Variants in LUZP2 observed in about 807,000 individuals in gnomAD.
LUZP2 encodes leucine zipper protein 2.
LUZP2 carries 52 observed loss-of-function variants against 51.6 expected under a neutral mutation model. The ratio of observed to expected loss-of-function variants is 1.01; its 90% confidence interval spans 0.81 to 1.27. The LOEUF is 1.27. LUZP2 is among the 50% of genes most tolerant of loss of function. The pLI is 0.00. For synonymous variants in LUZP2, 154 were observed against 137.3 expected, an observed-to-expected ratio of 1.12 and a Z score of -0.85; for missense variants, 436 against 395.4, an observed-to-expected ratio of 1.10 and a Z score of -0.87.
chr11:24,916,779 G>A (rs979910030), intron 7 of LUZP2, among the ~76,000 whole-genome samples: 1 of 152,166 alleles, frequency 6.6e-6, no homozygotes, highest in Non-Finnish European at 1.5e-5. Flanking sequence ...ATTGTGAATA[G>A]TGATACCATA....
At chr11:24,973,869 AGAGT>A (rs139473659) in intron 7 of LUZP2, among the ~76,000 whole-genome samples, 6,649 of 152,092 alleles carry the variant, frequency 0.044, 333 homozygotes, top group African/African-American at 0.12. Context: ...GATCAATTTT[AGAGT>A]AAGTGCCATA....
chr11:24,961,153 A>T (rs1179661084), intron 7 of LUZP2, among the ~76,000 whole-genome samples: 1 of 151,734 alleles, frequency 6.6e-6, no homozygotes, highest in Non-Finnish European at 1.5e-5. Context: ...TGCTGAGGAG[A>T]GCTTTACTTC....
chr11:24,634,669 A>G (rs1489722050), intron 1 of LUZP2, among the ~76,000 whole-genome samples: 2 of 151,726 alleles, frequency 1.3e-5, no homozygotes. Flanking sequence ...TAAACTGACC[A>G]TAGAGCTGTT....
At chr11:24,569,518 T>C (rs1016560114) in intron 1 of LUZP2, among the ~76,000 whole-genome samples, 3 of 152,032 alleles carry the variant, frequency 2.0e-5, no homozygotes, top group African/African-American at 4.8e-5. Context: ...ACATGTTGAA[T>C]AGCAAACTTA....
intron 5 of LUZP2, among the ~76,000 whole-genome samples, chr11:24,849,539 TG>T (rs1289827256): frequency 1.3e-5 from 2 of 152,318 alleles, no homozygotes; most frequent in South Asian, 4.1e-4. Context: ...CATGGGCATT[TG>T]GGTTGGTTCC....
At chr11:25,050,185 G>T in intron 10 of LUZP2, 55 bp downstream of exon 10, 1 of 978,064 alleles carries the variant, frequency 1.0e-6, no homozygotes, top group Admixed American at 2.5e-5. Context: ...AAAAGCACAA[G>T]CATTTTAGCA....
chr11:24,723,348 G>T (rs1237969501), intron 1 of LUZP2, among the ~76,000 whole-genome samples: 1 of 152,136 alleles, frequency 6.6e-6, no homozygotes, highest in Non-Finnish European at 1.5e-5. Flanking sequence ...GCTTTATGAT[G>T]CGGCAATTCC....
intron 5 of LUZP2, among the ~76,000 whole-genome samples, chr11:24,844,062 G>C (rs751832512): frequency 1.3e-5 from 2 of 152,180 alleles, no homozygotes; most frequent in African/African-American, 4.8e-5. Flanking sequence ...CAGAGATGTG[G>C]AAGTGACTTT....
intron 9 of LUZP2, among the ~76,000 whole-genome samples, chr11:24,987,668 C>G (rs1856227455): frequency 6.6e-6 from 1 of 151,874 alleles, no homozygotes; most frequent in Admixed American, 6.6e-5. Flanking sequence ...GCAGGAGGCC[C>G]TGGAACGAAT....
chr11:24,798,304 A>C (rs1849604530), intron 5 of LUZP2, among the ~76,000 whole-genome samples: 1 of 151,588 alleles, frequency 6.6e-6, no homozygotes, highest in South Asian at 2.1e-4. Context: ...TACAGCCTTG[A>C]TTCTTCCACC....
intron 8 of LUZP2, among the ~76,000 whole-genome samples, chr11:24,980,016 A>G (rs531055326): frequency 1.3e-5 from 2 of 151,938 alleles, no homozygotes; most frequent in South Asian, 2.1e-4. Context: ...GGACCTGAAT[A>G]TCACTGGAGC....
intron 5 of LUZP2, among the ~76,000 whole-genome samples, chr11:24,779,942 A>C (rs1849039390): frequency 6.6e-6 from 1 of 152,158 alleles, no homozygotes; most frequent in South Asian, 2.1e-4. Context: ...AAGGAATTAC[A>C]ACAGCCATGA....
intron 7 of LUZP2, among the ~76,000 whole-genome samples, chr11:24,932,514 AT>A (rs1280695372): frequency 6.6e-6 from 1 of 152,072 alleles, no homozygotes; most frequent in Non-Finnish European, 1.5e-5. Context: ...TCTCAGGCCA[AT>A]TGAATTATGT....
intron 1 of LUZP2, among the ~76,000 whole-genome samples, chr11:24,606,919 T>C (rs1013379091): frequency 1.3e-5 from 2 of 152,076 alleles, no homozygotes; most frequent in African/African-American, 4.8e-5. Flanking sequence ...GATTTTTATA[T>C]ATCTATTGGC....
intron 2 of LUZP2, 45 bp from the exon 3 acceptor site, chr11:24,732,073 A>T (rs1347016255): frequency 1.4e-6 from 2 of 1,460,728 alleles, no homozygotes; most frequent in East Asian, 4.6e-5. Flanking sequence ...GTGAGTCTCA[A>T]TTTCTCACCT....
intron 1 of LUZP2, among the ~76,000 whole-genome samples, chr11:24,596,129 C>T (rs1018832580): frequency 5.9e-5 from 9 of 152,148 alleles, no homozygotes; most frequent in African/African-American, 2.2e-4. Flanking sequence ...GTTGCAGCTT[C>T]AAATGTTACA....
chr11:24,711,047 A>T (rs1449797924), intron 1 of LUZP2, among the ~76,000 whole-genome samples: 1 of 152,140 alleles, frequency 6.6e-6, no homozygotes, highest in Admixed American at 6.6e-5. Context: ...TTTAATGAAG[A>T]AGAAATGCTA....
At chr11:24,975,668 G>T (rs1416433568) in intron 7 of LUZP2, among the ~76,000 whole-genome samples, 3 of 152,040 alleles carry the variant, frequency 2.0e-5, no homozygotes, top group Non-Finnish European at 4.4e-5. Context: ...AATAAGTATT[G>T]CCATCTCTAG....
In LUZP2 at chr11:24,930,869, G is replaced by A. The variant is rs149699723; in HGVS notation, c.522+16331G>A. 3.2e-3 allele frequency among the ~76,000 whole-genome samples: 480 copies of A among 152,076 alleles called. 4 individuals carry two copies. The highest frequency in any genetic ancestry group is 0.013 in the South Asian group (62 of 4,808). ...TCCTCAGGAACACTAATTATTCTTA[G>A]GTTTGGTCATTTAATGTAATCCCAA... On this transcript the variant is annotated intron_variant, in intron 7 of 11. Transcript: ENST00000336930.
Sources: allele counts gnomAD v4.1 joint callset (sites outside exome capture counted in the v4.1 genomes callset), GRCh38; gene constraint gnomAD v4.1.1; transcripts MANE v1.5; gene names NCBI Gene and HGNC (gene_info 2026-07-23, HGNC 2026-07-21).